The following GTSE1 variants were observed in gnomAD, a reference collection of about 807,000 sequenced individuals.
The protein encoded by GTSE1 is G2 and S phase-expressed protein 1.
In GTSE1, 52 loss-of-function variants were observed where a neutral mutation model predicts 60.5. That is an observed-to-expected ratio of 0.86 (90% confidence interval 0.69 to 1.08). The LOEUF (loss-of-function observed/expected upper bound fraction) is 1.08. Among genes scored for constraint, GTSE1 ranks in the 50% least tolerant of loss-of-function variants. The pLI, the probability that GTSE1 is intolerant of heterozygous loss-of-function variation, is 0.00. For synonymous variants in GTSE1, 368 were observed against 386.5 expected (o/e 0.95, Z 0.56); for missense variants, 937 against 961.8 (o/e 0.97, Z 0.34).
intron 2 of GTSE1, among the ~76,000 whole-genome samples, chr22:46,307,544 C>T (rs2077722061): frequency 1.3e-5 from 2 of 151,958 alleles, no homozygotes; most frequent in Admixed American, 1.3e-4. Flanking sequence ...CTTTCTGTCA[C>T]CCAGGCTGGA....
At chr22:46,327,541 G>A (rs939114699) in intron 9 of GTSE1, among the ~76,000 whole-genome samples, 1 of 152,132 alleles carries the variant, frequency 6.6e-6, no homozygotes, top group Admixed American at 6.5e-5. Context: ...GCATCATGGT[G>A]GCATGCGCCT....
chr22:46,317,971 C>T lies in GTSE1; in HGVS notation c.1432+1559C>T, dbSNP rs1031198287. On this transcript the variant is annotated intron_variant, in intron 7 of 11. Transcript: ENST00000454366. The surrounding 1 kb of genome is among the most constrained non-coding windows in gnomAD (Gnocchi z 5.6). The stretch of plus-strand genomic sequence containing the variant: ...CCCTGCACCTGTGCACTGCCTGGTG[C>T]TCAGCCAGAGACTCGAGATTCCCTT... Among the ~76,000 whole-genome samples, 1 of 152,248 alleles carries T rather than the reference C, an allele frequency of 6.6e-6. No homozygotes were observed. Among genetic ancestry groups the T allele is most frequent in the Non-Finnish European group, 1.5e-5 (1 of 68,046 alleles).
Position 46,296,943 on chromosome 22 carries a change from T to G in GTSE1, c.-22+12T>G. 1 of 168,466 alleles carries G rather than the reference T, an allele frequency of 5.9e-6. No homozygotes were observed. The allele number at this position is 168,466 out of a possible 1,614,324, so 10.4% of individuals were successfully genotyped here. ...GTCTGCCGCTTTGGGTAAGGTGGGG[T>G]CAGGGTCGGGGGCGAGGCTTGCCCG... On this transcript the variant is annotated intron_variant, in intron 1 of 11. Coordinates refer to ENST00000454366, the MANE Select transcript of GTSE1 (RefSeq NM_016426.7).
chr22:46,330,103 C>T lies in GTSE1; in HGVS notation c.2193C>T (p.Asn731=), dbSNP rs199998876. 356 of 1,607,704 alleles carry T rather than the reference C, an allele frequency of 2.2e-4. No individual in the cohort carries two copies. The highest frequency in any genetic ancestry group is 2.8e-4 in the Non-Finnish European group (326 of 1,174,090). The change falls in exon 12 of 12, where the codon AAC becomes AAT. Residue 731 remains asparagine (N), a synonymous_variant. Coordinates refer to ENST00000454366, the MANE Select transcript of GTSE1 (RefSeq NM_016426.7). The surrounding 1 kb of genome is among the most constrained non-coding windows in gnomAD (Gnocchi z 6.0). ...TGAGCCCTGAGGCTGACAAGGAGAACGTGGATTCCCCACTCCTCAAGTTCT... is the reference window on the plus strand; with the variant it reads ...TGAGCCCTGAGGCTGACAAGGAGAATGTGGATTCCCCACTCCTCAAGTTCT... The part of the protein sequence containing the change: ...IQLSPEADKE[N]VDSPLLKF
intron 8 of GTSE1, among the ~76,000 whole-genome samples, chr22:46,323,815 G>A (rs1479983605): frequency 6.6e-6 from 1 of 152,122 alleles, no homozygotes; most frequent in Non-Finnish European, 1.5e-5. Flanking sequence ...AGCCTCCCTA[G>A]TAGCTGGGAC....
At position 46,330,258 on chromosome 22, in the gene GTSE1, A is replaced by T; in HGVS notation, c.*128A>T. The T allele has an allele frequency of 1.5e-6, 1 of 649,974 alleles. No homozygotes were observed. The highest frequency in any genetic ancestry group is 2.8e-6 in the Non-Finnish European group (1 of 352,866). The allele number at this position is 649,974 out of a possible 1,614,324, so 40.3% of individuals were successfully genotyped here. ...GAACTTGGGAGGCTGAGGTGGGCGG[A>T]TTACTTGAGCCCAGGAGTTCGGGAC... On this transcript the variant is annotated 3_prime_UTR_variant, in exon 12 of 12. Coordinates refer to ENST00000454366, the MANE Select transcript of GTSE1 (RefSeq NM_016426.7). This position sits in a 1 kb window ranked among gnomAD's most constrained non-coding sequence, Gnocchi z 6.0.
chr22:46,326,286 C>A, intron 8 of GTSE1, 150 bp from the exon 9 acceptor site: 1 of 628,528 alleles, frequency 1.6e-6, no homozygotes, highest in Non-Finnish European at 2.6e-6. Flanking sequence ...TGGGGCCTGT[C>A]CCAGGAGAGC....
intron 9 of GTSE1, among the ~76,000 whole-genome samples, chr22:46,328,409 G>A (rs1488065112): frequency 1.3e-5 from 2 of 152,206 alleles, no homozygotes; most frequent in South Asian, 2.1e-4. Context: ...AGGAGGTGAC[G>A]GGCGTGCGCA....
chr22:46,323,741 GCA>G (rs1292338120), intron 8 of GTSE1, among the ~76,000 whole-genome samples: 2 of 152,098 alleles, frequency 1.3e-5, no homozygotes, highest in Non-Finnish European at 2.9e-5. Flanking sequence ...AGGCTGGAGT[GCA>G]GTGGCACGAT....
At position 46,317,012 on chromosome 22, in the gene GTSE1, A is replaced by C. The variant is rs2077785198; in HGVS notation, c.1432+600A>C. Among the ~76,000 whole-genome samples, 4 of 150,070 alleles carry C rather than the reference A, an allele frequency of 2.7e-5. No individual in the cohort carries two copies. In the South Asian group the frequency reaches 8.4e-4, roughly 32 times the overall value. ...AGTCTCGCTCTGTCACCCAGGGTGG[A>C]ATGCAGTGGCGCGATCTCAGCGCAC... On this transcript the variant is annotated intron_variant, in intron 7 of 11. Coordinates refer to ENST00000454366, the MANE Select transcript of GTSE1 (RefSeq NM_016426.7). The surrounding 1 kb of genome is among the most constrained non-coding windows in gnomAD (Gnocchi z 5.6).
In GTSE1 at chr22:46,320,910, G is replaced by T. The variant is rs2077808505; in HGVS notation, c.1433-2280G>T. Among the ~76,000 whole-genome samples, 1 of 152,080 alleles carries T rather than the reference G, an allele frequency of 6.6e-6. No individual in the cohort carries two copies. The highest frequency in any genetic ancestry group is 6.5e-5 in the Admixed American group (1 of 15,280). On this transcript the variant is annotated intron_variant, in intron 7 of 11. Coordinates refer to ENST00000454366, the MANE Select transcript of GTSE1 (RefSeq NM_016426.7). The surrounding 1 kb of genome is among the most constrained non-coding windows in gnomAD (Gnocchi z 7.1). ...TGTTCGTGTTCTGTTTCATAAGAAT[G>T]ACCTTCCCGTGCCACCATGGAAGCT...
chr22:46,325,064 T>C (rs1424259267), intron 8 of GTSE1, among the ~76,000 whole-genome samples: 2 of 152,206 alleles, frequency 1.3e-5, no homozygotes, highest in Non-Finnish European at 2.9e-5. Context: ...TTCTCACAAT[T>C]CTGGAGGCTA....
Position 46,316,562 on chromosome 22 carries a change from G to A in GTSE1, c.1432+150G>A, listed in dbSNP as rs74971863. ...TGTGACCCGCTGTCTTCTCGCCCAC[G>A]TTGTTTTGGGGGGTCACTGGAGGCT... On this transcript the variant is annotated intron_variant, in intron 7 of 11. Coordinates refer to ENST00000454366, the MANE Select transcript of GTSE1 (RefSeq NM_016426.7). This position sits in a 1 kb window ranked among gnomAD's most constrained non-coding sequence, Gnocchi z 5.0. 2,764 of 634,708 alleles carry A rather than the reference G, an allele frequency of 4.4e-3. 51 individuals carry two copies. Among genetic ancestry groups the A allele is most frequent in the African/African-American group, 0.04 (2,187 of 54,036 alleles). 39.3% of individuals were successfully genotyped at this position (634,708 alleles called of 1,614,324 possible).
At position 46,320,919 on chromosome 22, in the gene GTSE1, G is replaced by T. The variant is rs549611653; in HGVS notation, c.1433-2271G>T. On this transcript the variant is annotated intron_variant, in intron 7 of 11. Transcript: ENST00000454366. This position sits in a 1 kb window ranked among gnomAD's most constrained non-coding sequence, Gnocchi z 7.1. ...TCTGTTTCATAAGAATGACCTTCCCGTGCCACCATGGAAGCTGCTGAAGAG... is the reference window on the plus strand; with the variant it reads ...TCTGTTTCATAAGAATGACCTTCCCTTGCCACCATGGAAGCTGCTGAAGAG... Among the ~76,000 whole-genome samples the T allele has an allele frequency of 6.6e-6, 1 of 152,018 alleles. No homozygotes were observed. Among genetic ancestry groups the T allele is most frequent in the Non-Finnish European group, 1.5e-5 (1 of 67,994 alleles).
At position 46,330,298 on chromosome 22, in the gene GTSE1, T is replaced by C. The variant is rs2077869180; in HGVS notation, c.*168T>C. 2 of 575,418 alleles carry C rather than the reference T, an allele frequency of 3.5e-6. No homozygotes were observed. Among genetic ancestry groups the C allele is most frequent in the East Asian group, 3.0e-5 (1 of 33,776 alleles). The allele number at this position is 575,418 out of a possible 1,614,324, so 35.6% of individuals were successfully genotyped here. ...GAGTTCGGGACCAGCCTGGGAAATA[T>C]AGTGAAACTCCTGTCCCTACAAAAA... is the stretch of plus-strand genomic sequence containing the variant. On this transcript the variant is annotated 3_prime_UTR_variant, in exon 12 of 12. Transcript: ENST00000454366. This position sits in a 1 kb window ranked among gnomAD's most constrained non-coding sequence, Gnocchi z 6.0.
intron 4 of GTSE1, among the ~76,000 whole-genome samples, chr22:46,311,499 A>G (rs2077748636): frequency 6.6e-6 from 1 of 152,252 alleles, no homozygotes; most frequent in Non-Finnish European, 1.5e-5. Context: ...ATTTTATGTT[A>G]TGAGAAGTAT....
chr22:46,316,728 G>A lies in GTSE1; in HGVS notation c.1432+316G>A, dbSNP rs2077783418. Among the ~76,000 whole-genome samples the A allele has an allele frequency of 6.6e-6, 1 of 152,136 alleles. No homozygotes were observed. The highest frequency in any genetic ancestry group is 1.5e-5 in the Non-Finnish European group (1 of 68,030). On this transcript the variant is annotated intron_variant, in intron 7 of 11. Coordinates refer to ENST00000454366, the MANE Select transcript of GTSE1 (RefSeq NM_016426.7). The surrounding 1 kb of genome is among the most constrained non-coding windows in gnomAD (Gnocchi z 5.0). ...TGGCTTTCTTTGCCTTTATCCCGCTGAGGGTTTCTTAAGCTTCTTTGATCT... is the reference window on the plus strand; with the variant it reads ...TGGCTTTCTTTGCCTTTATCCCGCTAAGGGTTTCTTAAGCTTCTTTGATCT...
At chr22:46,298,042 A>G (rs1446075836) in intron 2 of GTSE1, among the ~76,000 whole-genome samples, 1 of 152,000 alleles carries the variant, frequency 6.6e-6, no homozygotes, top group East Asian at 1.9e-4. Flanking sequence ...TACTCACTGC[A>G]ACCTCTCTCT....
At chr22:46,303,101 C>T (rs1311627156) in intron 2 of GTSE1, among the ~76,000 whole-genome samples, 4 of 151,598 alleles carry the variant, frequency 2.6e-5, no homozygotes, top group Non-Finnish European at 5.9e-5. Flanking sequence ...GGGGTTTCAC[C>T]GTGTTAGCCA....
Sources: gnomAD v4.1 joint callset for allele counts (sites outside exome capture counted in the v4.1 genomes callset) on GRCh38, gnomAD v4.1.1 for gene constraint, Gnocchi (gnomAD v3.1) non-coding constraint, MANE v1.5 for transcripts, NCBI Gene and HGNC (gene_info 2026-07-23, HGNC 2026-07-21) for gene names.